The following MANSC4 variants were observed in gnomAD, a reference collection of about 807,000 sequenced individuals.
The protein encoded by MANSC4 is MANSC domain containing 4.
Under a neutral mutation model 11.4 loss-of-function variants are expected in MANSC4, and 11 were observed. The ratio of observed to expected loss-of-function variants is 0.97; its 90% CI spans 0.61 to 1.60. MANSC4 has a LOEUF of 1.60. MANSC4 is among the 40% of genes most tolerant of loss of function. The pLI is 0.00. For missense variants in MANSC4, 354 were observed against 404.6 expected (o/e 0.88, Z 1.07); for synonymous variants, 123 against 147.1 (o/e 0.84, Z 1.19).
chr12:27,775,245 G>C (rs957672731), intron 1 of MANSC4, among the ~76,000 whole-genome samples: 2 of 151,914 alleles, frequency 1.3e-5, no homozygotes, highest in Non-Finnish European at 2.9e-5. Flanking sequence ...ACTCCATTTT[G>C]GTTTCATCTG....
chr12:27,767,534 T>C (rs2062077900), intron 2 of MANSC4, among the ~76,000 whole-genome samples: 1 of 151,908 alleles, frequency 6.6e-6, no homozygotes, highest in African/African-American at 2.4e-5. Flanking sequence ...AGAAACCCCG[T>C]GTCTACTAAA....
intron 1 of MANSC4, among the ~76,000 whole-genome samples, chr12:27,776,516 G>A (rs769187684): frequency 3.3e-4 from 50 of 151,930 alleles, no homozygotes; most frequent in Middle Eastern, 3.4e-3. Context: ...CATCACTTGC[G>A]CCCAGGAGTT....
chr12:27,779,177 T>G lies in MANSC4; in HGVS notation c.-307+1033A>C, dbSNP rs138368848. ...CCACCGCGCTCAGCCAAACCGCACG[T>G]GTGGTCTCTCTTAATAGTCCTCAGA... is the stretch of plus-strand genomic sequence containing the variant. On this transcript the variant is annotated intron_variant, in intron 1 of 3. Transcript: ENST00000381273. Among the ~76,000 whole-genome samples the G allele has an allele frequency of 4.4e-3, 669 of 152,156 alleles. 6 individuals are homozygous for G. Among genetic ancestry groups the G allele is most frequent in the African/African-American group, 0.016 (646 of 41,526 alleles).
chr12:27,771,269 A>C lies in MANSC4; in HGVS notation c.8T>G (p.Val3Gly). The C allele has an allele frequency of 6.5e-7, 1 of 1,550,082 alleles. No homozygotes were observed. Among genetic ancestry groups the C allele is most frequent in the Non-Finnish European group, 8.7e-7 (1 of 1,146,858 alleles). The change falls in exon 2 of 4, where the codon GTG becomes GGG. Residue 3 changes from valine to glycine, a missense_variant. Coordinates refer to ENST00000381273, the MANE Select transcript of MANSC4 (RefSeq NM_001146221.5). MHVAEVAVNVILL... is the reference protein window; with the variant it reads MHGAEVAVNVILL... ...TATCACGTTCACTGCTACCTCTGCC[A>C]CATGCATTTTTCCTGTATGAAGGAA...
At chr12:27,777,477 A>AC (rs1301335698) in intron 1 of MANSC4, among the ~76,000 whole-genome samples, 1 of 152,188 alleles carries the variant, frequency 6.6e-6, no homozygotes, top group Non-Finnish European at 1.5e-5. Context: ...GTTACACTCT[A>AC]CCATCCCAAA....
chr12:27,772,417 C>T (rs2062104559), intron 1 of MANSC4, among the ~76,000 whole-genome samples: 1 of 152,196 alleles, frequency 6.6e-6, no homozygotes, highest in African/African-American at 2.4e-5. Context: ...ACACAAAAAT[C>T]ATCAGCATTC....
chr12:27,770,922 A>G (rs1441938922), intron 2 of MANSC4, 126 bp downstream of exon 2: 1 of 680,456 alleles, frequency 1.5e-6, no homozygotes, highest in Non-Finnish European at 2.4e-6. Context: ...TCTCTCTCCC[A>G]CACCCTAGGG....
intron 2 of MANSC4, among the ~76,000 whole-genome samples, chr12:27,767,671 T>C (rs188769879): frequency 1.3e-5 from 2 of 152,078 alleles, no homozygotes; most frequent in East Asian, 3.9e-4. Flanking sequence ...CACTCCAGAC[T>C]GGGCAACAAG....
At chr12:27,772,886 T>C (rs972741910) in intron 1 of MANSC4, among the ~76,000 whole-genome samples, 9 of 152,248 alleles carry the variant, frequency 5.9e-5, no homozygotes, top group Non-Finnish European at 8.8e-5. Flanking sequence ...AATCTTATAA[T>C]CTTCAAGTCT....
rs571778691 is a variant in MANSC4 at position 27,762,800 on chromosome 12, G to C, written c.961C>G (p.Gln321Glu). Residue 321 changes from glutamine (Q) to glutamate (E), a missense_variant, in exon 4 of 4, where the codon CAG becomes GAG. By Grantham distance (29) the Gln-to-Glu change is conservative (BLOSUM62 2). Coordinates refer to ENST00000381273, the MANE Select transcript of MANSC4 (RefSeq NM_001146221.5). The stretch of plus-strand genomic sequence containing the variant: ...ATTTGCAAGGATCCTGATTTTCTCT[G>C]TCCTGGTTTATACTGGCCCTGCTGC... ...GKQQGQYKPG[Q>E]RKSGSLQIKN... The C allele has an allele frequency of 6.4e-7, 1 of 1,551,396 alleles. No homozygotes were observed. The highest frequency in any genetic ancestry group is 1.2e-5 in the South Asian group (1 of 83,996).
At chr12:27,779,777 C>T (rs1052731740) in intron 1 of MANSC4, 2 of 152,202 alleles carry the variant, frequency 1.3e-5, no homozygotes, top group African/African-American at 4.8e-5. Context: ...CGAATTTCTT[C>T]TCCCTGGGGT....
chr12:27,771,360 C>T lies in MANSC4; in HGVS notation c.-84G>A, dbSNP rs996179659. The T allele has an allele frequency of 3.3e-5, 41 of 1,240,566 alleles. 1 individual carries two copies. The highest frequency in any genetic ancestry group is 1.5e-4 in the South Asian group (10 of 65,524). The allele number at this position is 1,240,566 out of a possible 1,614,324, so 76.8% of individuals were successfully genotyped here. A position where few individuals can be genotyped will look rare whatever the true frequency, so the allele number is the denominator to read the frequency against. On this transcript the variant is annotated 5_prime_UTR_variant, in exon 2 of 4. Transcript: ENST00000381273. ...CTGGAGTTTAGGACAGTCTCTGGAACGTCAGAGGTGTTGTTAAGGGAGAGC... is the reference window on the plus strand; with the variant it reads ...CTGGAGTTTAGGACAGTCTCTGGAATGTCAGAGGTGTTGTTAAGGGAGAGC...
At chr12:27,778,132 G>C (rs559601525) in intron 1 of MANSC4, among the ~76,000 whole-genome samples, 2 of 151,762 alleles carry the variant, frequency 1.3e-5, no homozygotes, top group South Asian at 4.2e-4. Context: ...GGCTGAGGCA[G>C]GAGAATCACT....
intron 2 of MANSC4, among the ~76,000 whole-genome samples, chr12:27,767,355 T>C (rs2062076706): frequency 6.6e-6 from 1 of 152,146 alleles, no homozygotes; most frequent in Non-Finnish European, 1.5e-5. Context: ...TTTGGAATCA[T>C]TCATTATTTC....
chr12:27,764,832 T>A (rs1189114039), intron 3 of MANSC4, among the ~76,000 whole-genome samples: 3 of 140,940 alleles, frequency 2.1e-5, no homozygotes, highest in African/African-American at 7.9e-5. Context: ...TCACCCACAC[T>A]GAAATCTACA....
chr12:27,762,684 A>C lies in MANSC4; in HGVS notation c.*54T>G. ...TTTTTTAACCAAACTGCGTTTTCTT[A>C]CACAAAACTAAAAATGATATCCTTG... On this transcript the variant is annotated 3_prime_UTR_variant, in exon 4 of 4. Coordinates refer to ENST00000381273, the MANE Select transcript of MANSC4 (RefSeq NM_001146221.5). 7.1e-7 allele frequency: 1 copy of C among 1,413,468 alleles called. No homozygotes were observed. The highest frequency in any genetic ancestry group is 9.3e-7 in the Non-Finnish European group (1 of 1,071,720). The allele number at this position is 1,413,468 out of a possible 1,614,324, so 87.6% of individuals were successfully genotyped here.
At position 27,772,965 on chromosome 12, in the gene MANSC4, G is replaced by A. The variant is rs79595307; in HGVS notation, c.-306-1383C>T. Reference sequence around the variant, plus strand: ...CTTTGAAGTTCTCGTATTCCTTTCAGGGATAATGGAACAAGCCACAATTGT... The same window carrying A: ...CTTTGAAGTTCTCGTATTCCTTTCAAGGATAATGGAACAAGCCACAATTGT... On this transcript the variant is annotated intron_variant, in intron 1 of 3. Transcript: ENST00000381273. Among the ~76,000 whole-genome samples the A allele has an allele frequency of 2.0e-5, 3 of 152,264 alleles. No homozygotes were observed. In the East Asian group the frequency reaches 5.8e-4, roughly 29 times the overall value.
chr12:27,764,340 A>G (rs567960725), intron 3 of MANSC4, among the ~76,000 whole-genome samples: 4 of 152,020 alleles, frequency 2.6e-5, no homozygotes, highest in East Asian at 1.9e-4. Flanking sequence ...GAGGTAGTCA[A>G]TTGTTTCCTT....
intron 1 of MANSC4, among the ~76,000 whole-genome samples, chr12:27,779,425 C>T (rs1325554642): frequency 1.3e-5 from 2 of 152,164 alleles, no homozygotes; most frequent in African/African-American, 2.4e-5. Context: ...CTTTTAATAA[C>T]TTAGGGAGAA....
Sources: allele counts gnomAD v4.1 joint callset (sites outside exome capture counted in the v4.1 genomes callset), GRCh38; gene constraint gnomAD v4.1.1; transcripts MANE v1.5; gene names NCBI Gene and HGNC (gene_info 2026-07-23, HGNC 2026-07-21).